SLC2A7: variants seen among roughly 807,000 people sequenced by gnomAD.
The protein encoded by SLC2A7 is solute carrier family 2, facilitated glucose transporter member 7.
SLC2A7 carries 50 observed loss-of-function variants against 50.5 expected under a neutral mutation model. The ratio of observed to expected loss-of-function variants is 0.99; its 90% CI spans 0.79 to 1.25. The LOEUF (loss-of-function observed/expected upper bound fraction) is 1.25, where lower values mean the gene tolerates loss of function less well. Ranked by LOEUF, SLC2A7 falls within the 50% of genes most tolerant of loss-of-function variation. The pLI is 0.00. For missense variants in SLC2A7, 683 were observed against 679.1 expected (o/e 1.01, Z -0.06); for synonymous variants, 308 against 300.4 (o/e 1.03, Z -0.26).
At chr1:8,993,003 T>C in the SLC2A7 span, among the ~76,000 whole-genome samples, 1 of 152,230 alleles carries the variant, frequency 6.6e-6, no homozygotes, top group African/African-American at 2.4e-5. Flanking sequence ...GTTGCAGATC[T>C]GGGTAAAGGA....
chr1:9,011,180 C>T (rs1640743742), intron 8 of SLC2A7, among the ~76,000 whole-genome samples: 1 of 152,262 alleles, frequency 6.6e-6, no homozygotes, highest in Non-Finnish European at 1.5e-5. Context: ...GGTTCATCCT[C>T]ACACTTCCCC....
the SLC2A7 span, among the ~76,000 whole-genome samples, chr1:8,993,223 G>A: frequency 2.0e-5 from 3 of 152,194 alleles, no homozygotes; most frequent in African/African-American, 7.2e-5. Flanking sequence ...CTCATGAGAC[G>A]TATTCACTAT....
At chr1:9,018,480 C>A (rs1015901868) in intron 4 of SLC2A7, 105 bp from the exon 5 acceptor site, 58 of 1,483,784 alleles carry the variant, frequency 3.9e-5, no homozygotes, top group Non-Finnish European at 5.2e-5. Context: ...ATGCTGTCAG[C>A]CCCTCCGTGG....
intron 4 of SLC2A7, 115 bp from the exon 5 acceptor site, chr1:9,018,490 G>A (rs1162681223): frequency 1.4e-6 from 2 of 1,424,808 alleles, no homozygotes; most frequent in Non-Finnish European, 1.9e-6. Context: ...CCCCTCCGTG[G>A]AGATGGAGCT....
intron 1 of SLC2A7, among the ~76,000 whole-genome samples, chr1:9,025,955 C>T (rs1367825640): frequency 1.3e-5 from 2 of 152,186 alleles, no homozygotes; most frequent in Non-Finnish European, 2.9e-5. Context: ...CCAGGAACAA[C>T]CAGACAGAAG....
chr1:9,006,162 G>A (rs1046331301), intron 10 of SLC2A7, among the ~76,000 whole-genome samples: 12 of 152,092 alleles, frequency 7.9e-5, no homozygotes, highest in African/African-American at 2.2e-4. Flanking sequence ...CTTGGAACCC[G>A]GCCAGGTCTA....
chr1:9,014,924 A>G, intron 6 of SLC2A7, 56 bp from the exon 7 acceptor site: 3 of 1,524,132 alleles, frequency 2.0e-6, no homozygotes. Flanking sequence ...GCTGGGCCCC[A>G]AGCCCCCATG....
chr1:9,003,939 A>G (rs1287783644), intron 11 of SLC2A7, among the ~76,000 whole-genome samples: 2 of 151,862 alleles, frequency 1.3e-5, no homozygotes, highest in African/African-American at 4.8e-5. Context: ...TCCATAAAGG[A>G]GTTGCTTGGC....
chr1:8,994,948 T>C, the SLC2A7 span, among the ~76,000 whole-genome samples: 1 of 151,512 alleles, frequency 6.6e-6, no homozygotes. Flanking sequence ...TTTTTACATT[T>C]TTAGTAGAGA....
chr1:9,001,732 C>T (rs1033625567), downstream of SLC2A7, among the ~76,000 whole-genome samples: 1 of 151,988 alleles, frequency 6.6e-6, no homozygotes, highest in African/African-American at 2.4e-5. Flanking sequence ...ACCTTGTTTT[C>T]AAGGAAGATA....
chr1:9,000,397 T>C (rs1640558145), downstream of SLC2A7, among the ~76,000 whole-genome samples: 2 of 151,692 alleles, frequency 1.3e-5, no homozygotes, highest in Admixed American at 1.3e-4. Context: ...GACAGATGGA[T>C]CACCTGAGGT....
chr1:9,007,406 G>T, intron 9 of SLC2A7, 21 bp from the exon 10 acceptor site: 1 of 1,613,362 alleles, frequency 6.2e-7, no homozygotes, highest in South Asian at 1.1e-5. Context: ...AGGCAGGGCT[G>T]TCTGGGCTGA....
At chr1:9,017,662 C>T (rs1640850257) in intron 5 of SLC2A7, among the ~76,000 whole-genome samples, 1 of 152,224 alleles carries the variant, frequency 6.6e-6, no homozygotes, top group African/African-American at 2.4e-5. Context: ...AATATGTTTG[C>T]ATGCCTTTTC....
chr1:9,009,601 T>G (rs559892843), intron 9 of SLC2A7, among the ~76,000 whole-genome samples: 1 of 152,262 alleles, frequency 6.6e-6, no homozygotes, highest in Admixed American at 6.5e-5. Context: ...GGACTACAGG[T>G]GCACACCACC....
At chr1:9,015,075 C>G in intron 6 of SLC2A7, 42 bp downstream of exon 6, 1 of 1,609,188 alleles carries the variant, frequency 6.2e-7, no homozygotes, top group Non-Finnish European at 8.5e-7. Context: ...GCCTGGCCCC[C>G]GGGGTGGGCA....
intron 6 of SLC2A7, 64 bp downstream of exon 6, chr1:9,015,053 G>A: frequency 6.2e-7 from 1 of 1,600,028 alleles, no homozygotes; most frequent in South Asian, 1.1e-5. Context: ...CTGTGGCCCT[G>A]ACCGTGTCTC....
chr1:9,007,491 A>G (rs1032851287), intron 9 of SLC2A7, 106 bp from the exon 10 acceptor site: 1 of 1,015,850 alleles, frequency 9.8e-7, no homozygotes, highest in Non-Finnish European at 1.5e-6. Flanking sequence ...CTGCACCTAG[A>G]TGTCTGGGCA....
chr1:9,017,135 A>C (rs901351804), intron 5 of SLC2A7, among the ~76,000 whole-genome samples: 2 of 152,230 alleles, frequency 1.3e-5, no homozygotes, highest in African/African-American at 4.8e-5. Flanking sequence ...ATCCTGGCCA[A>C]CATGGAGAAA....
At chr1:9,003,630 GGT>G in intron 11 of SLC2A7, 112 bp from the exon 12 acceptor site, 1 of 882,706 alleles carries the variant, frequency 1.1e-6, no homozygotes, top group Non-Finnish European at 1.8e-6. Flanking sequence ...GGCCAAGACA[GGT>G]GGATCACCTG....
Sources: allele counts gnomAD v4.1 joint callset (sites outside exome capture counted in the v4.1 genomes callset), GRCh38; gene constraint gnomAD v4.1.1; transcripts MANE v1.5; gene names NCBI Gene and HGNC (gene_info 2026-07-23, HGNC 2026-07-21).